The following RALGAPA1 variants were observed in gnomAD, a reference collection of about 807,000 sequenced individuals.
The protein encoded by RALGAPA1 is ral GTPase-activating protein subunit alpha-1.
A neutral mutation model predicts 269.6 loss-of-function variants in RALGAPA1; 52 were observed. The ratio of observed to expected loss-of-function variants is 0.19; its 90% CI spans 0.15 to 0.24. The LOEUF is 0.24. Among genes scored for constraint, RALGAPA1 ranks in the 10% least tolerant of loss-of-function variants. The pLI is 1.00. For missense variants in RALGAPA1, 1,917 were observed against 3,013.9 expected, an observed-to-expected ratio of 0.64 and a Z score of 8.52; for synonymous variants, 817 against 1,008.3, an observed-to-expected ratio of 0.81 and a Z score of 3.60.
chr14:35,797,271 T>G (rs2076635353), intron 1 of RALGAPA1, among the ~76,000 whole-genome samples: 1 of 145,600 alleles, frequency 6.9e-6, no homozygotes, highest in African/African-American at 2.6e-5. Flanking sequence ...GAGAATCACT[T>G]GAACCTGAGA....
intron 16 of RALGAPA1, among the ~76,000 whole-genome samples, chr14:35,709,394 A>G (rs1004271463): frequency 1.3e-5 from 2 of 152,054 alleles, no homozygotes; most frequent in African/African-American, 2.4e-5. Context: ...AAATAATAAA[A>G]GGATCACTGG....
At chr14:35,773,053 G>T (rs185879710) in intron 3 of RALGAPA1, among the ~76,000 whole-genome samples, 262 of 152,110 alleles carry the variant, frequency 1.7e-3, no homozygotes, top group African/African-American at 5.5e-3. Context: ...ATTTATTTTT[G>T]TATAGAAAGA....
At chr14:35,767,728 G>A (rs1179689817) in intron 4 of RALGAPA1, among the ~76,000 whole-genome samples, 2 of 151,834 alleles carry the variant, frequency 1.3e-5, no homozygotes, top group Non-Finnish European at 2.9e-5. Context: ...AAACAGAAGA[G>A]TAAATTAAAC....
At chr14:35,728,778 G>A (rs1265560601) in intron 12 of RALGAPA1, among the ~76,000 whole-genome samples, 2 of 151,372 alleles carry the variant, frequency 1.3e-5, no homozygotes, top group African/African-American at 4.9e-5. Flanking sequence ...AGTCACCCAG[G>A]CTGGAATGCA....
At chr14:35,602,440 T>C (rs1417460380) in intron 36 of RALGAPA1, among the ~76,000 whole-genome samples, 1 of 152,218 alleles carries the variant, frequency 6.6e-6, no homozygotes, top group Non-Finnish European at 1.5e-5. Context: ...TAGCAGTGTA[T>C]GAGGGTTCAG....
At chr14:35,589,821 C>T (rs2058531082) in intron 37 of RALGAPA1, among the ~76,000 whole-genome samples, 1 of 152,094 alleles carries the variant, frequency 6.6e-6, no homozygotes, top group African/African-American at 2.4e-5. Context: ...CCACCTCAGC[C>T]TCCAAATAGC....
At chr14:35,784,493 G>A (rs1001728363) in intron 1 of RALGAPA1, among the ~76,000 whole-genome samples, 6 of 152,044 alleles carry the variant, frequency 3.9e-5, no homozygotes, top group African/African-American at 1.4e-4. Context: ...TTGCTAAAAG[G>A]TATGAGTTTC....
intron 35 of RALGAPA1, among the ~76,000 whole-genome samples, chr14:35,621,166 A>C (rs558446025): frequency 1.3e-5 from 2 of 152,194 alleles, no homozygotes; most frequent in African/African-American, 2.4e-5. Flanking sequence ...AAACAGATAT[A>C]TAGACCAACA....
chr14:35,582,817 C>T (rs1270544128), intron 37 of RALGAPA1, among the ~76,000 whole-genome samples: 1 of 152,126 alleles, frequency 6.6e-6, no homozygotes, highest in Non-Finnish European at 1.5e-5. Context: ...CCTAATCTAC[C>T]TGGGAGAAGA....
intron 22 of RALGAPA1, 108 bp from the exon 23 acceptor site, chr14:35,674,817 A>G (rs1478086103): frequency 1.8e-6 from 1 of 568,590 alleles, no homozygotes; most frequent in East Asian, 2.9e-5. Flanking sequence ...GAAATGAATA[A>G]AAGAAATGTC....
At chr14:35,654,041 T>C (rs1177202637) in intron 30 of RALGAPA1, among the ~76,000 whole-genome samples, 2 of 152,226 alleles carry the variant, frequency 1.3e-5, no homozygotes, top group Non-Finnish European at 2.9e-5. Flanking sequence ...TCTTGCTATG[T>C]TACCTAGGCT....
intron 16 of RALGAPA1, among the ~76,000 whole-genome samples, chr14:35,718,021 C>T (rs1331023473): frequency 6.6e-6 from 1 of 152,244 alleles, no homozygotes; most frequent in Non-Finnish European, 1.5e-5. Context: ...AATGCGCTTT[C>T]TCCATTCAGG....
chr14:35,801,324 A>G (rs2076966149), intron 1 of RALGAPA1, among the ~76,000 whole-genome samples: 1 of 151,416 alleles, frequency 6.6e-6, no homozygotes, highest in South Asian at 2.1e-4. Flanking sequence ...GCTGGAGTAC[A>G]GTGGCATAAT....
chr14:35,663,618 C>T (rs1566949401), intron 27 of RALGAPA1, among the ~76,000 whole-genome samples: 1 of 141,006 alleles, frequency 7.1e-6, no homozygotes, highest in Non-Finnish European at 1.5e-5. Context: ...GAGACGGAGT[C>T]TCGCTCTGTT....
chr14:35,578,684 T>C (rs995153212), intron 37 of RALGAPA1, among the ~76,000 whole-genome samples: 5 of 152,242 alleles, frequency 3.3e-5, no homozygotes, highest in Admixed American at 6.5e-5. Context: ...TGCATTTTTT[T>C]CCTATCATTA....
At chr14:35,541,108 C>T (rs915385805) in intron 41 of RALGAPA1, among the ~76,000 whole-genome samples, 2 of 136,910 alleles carry the variant, frequency 1.5e-5, no homozygotes, top group East Asian at 2.4e-4. Flanking sequence ...TGCAGTGGCA[C>T]GATCTTGGCT....
At chr14:35,715,904 T>A (rs1034129109) in intron 16 of RALGAPA1, 63 of 985,252 alleles carry the variant, frequency 6.4e-5, no homozygotes, top group Admixed American at 1.2e-4. Flanking sequence ...TTTATTTTGG[T>A]CAAGGAAATG....
chr14:35,784,103 A>T (rs2075639684), intron 1 of RALGAPA1, among the ~76,000 whole-genome samples: 1 of 152,138 alleles, frequency 6.6e-6, no homozygotes, highest in South Asian at 2.1e-4. Flanking sequence ...AGGCTGGGCA[A>T]CATGGCAAAA....
chr14:35,719,924 T>C (rs2069226911), intron 16 of RALGAPA1, among the ~76,000 whole-genome samples: 1 of 152,130 alleles, frequency 6.6e-6, no homozygotes, highest in Admixed American at 6.5e-5. Flanking sequence ...CTAATTTTTT[T>C]TGTATTTTTA....
Sources: gnomAD v4.1 joint callset for allele counts (sites outside exome capture counted in the v4.1 genomes callset) on GRCh38, gnomAD v4.1.1 for gene constraint, MANE v1.5 for transcripts, NCBI Gene and HGNC (gene_info 2026-07-23, HGNC 2026-07-21) for gene names.